The following KCNB2 variants were observed in gnomAD, a reference collection of about 807,000 sequenced individuals.
KCNB2 encodes the protein potassium voltage-gated channel subfamily B member 2.
KCNB2 carries 15 observed loss-of-function variants against 61.5 expected under a neutral mutation model. That is an observed-to-expected ratio of 0.24 (90% CI 0.16 to 0.38). The LOEUF is 0.38. Ranked by LOEUF, KCNB2 falls within the 10% of genes least tolerant of loss-of-function variation. The pLI, the probability that KCNB2 is intolerant of heterozygous loss-of-function variation, is 1.00. For synonymous variants in KCNB2, 457 were observed against 446.0 expected (o/e 1.02, Z -0.31); for missense variants, 828 against 1,125.2 (o/e 0.74, Z 3.78).
chr8:72,657,686 T>A (rs907634084), intron 2 of KCNB2, among the ~76,000 whole-genome samples: 2 of 152,088 alleles, frequency 1.3e-5, no homozygotes, highest in Non-Finnish European at 2.9e-5. Flanking sequence ...TGAGAGGAAA[T>A]TCGAAATTAC....
At chr8:72,845,774 C>A (rs1325382446) in intron 2 of KCNB2, among the ~76,000 whole-genome samples, 1 of 46,274 alleles carries the variant, frequency 2.2e-5, no homozygotes, top group South Asian at 7.0e-4. Context: ...TCAGTAATGG[C>A]AGATGCCCCT....
intron 2 of KCNB2, among the ~76,000 whole-genome samples, chr8:72,903,691 C>G (rs1414216023): frequency 6.6e-6 from 1 of 152,174 alleles, no homozygotes; most frequent in African/African-American, 2.4e-5. Context: ...TCCAATAACT[C>G]TAAATCCAAT....
chr8:72,912,926 A>G (rs542939362), intron 2 of KCNB2, among the ~76,000 whole-genome samples: 2 of 152,294 alleles, frequency 1.3e-5, no homozygotes, highest in East Asian at 1.9e-4. Flanking sequence ...AGCTTCACAT[A>G]CCTAGAAGCT....
rs186011755 is a variant in KCNB2 at position 72,638,995 on chromosome 8, G to A, written c.579+70682G>A. 1.1e-4 allele frequency among the ~76,000 whole-genome samples: 16 copies of A among 152,186 alleles called. No individual in the cohort carries two copies. The East Asian group carries it at 2.7e-3, about 26-fold the overall frequency. ...TGACTTCCTTGAATTTTCATTATTG[G>A]CTTCCAGGCACATGCGGTGTGCTTA... On this transcript the variant is annotated intron_variant, in intron 2 of 2. Coordinates refer to ENST00000523207, the MANE Select transcript of KCNB2 (RefSeq NM_004770.3).
intron 1 of KCNB2, among the ~76,000 whole-genome samples, chr8:72,538,344 G>A (rs781781189): frequency 6.6e-6 from 1 of 152,156 alleles, no homozygotes; most frequent in South Asian, 2.1e-4. Context: ...GGGAGAACGG[G>A]TCTCTAAGGA....
intron 2 of KCNB2, among the ~76,000 whole-genome samples, chr8:72,709,235 G>A (rs961605485): frequency 1.8e-4 from 28 of 152,176 alleles, no homozygotes; most frequent in African/African-American, 6.5e-4. Flanking sequence ...ATCTCCCTAA[G>A]CTGTCTCTAT....
At chr8:72,739,914 T>C (rs920811234) in intron 2 of KCNB2, among the ~76,000 whole-genome samples, 4 of 152,136 alleles carry the variant, frequency 2.6e-5, no homozygotes, top group African/African-American at 9.7e-5. Flanking sequence ...CCATGTACAA[T>C]ACTGTACACA....
intron 2 of KCNB2, among the ~76,000 whole-genome samples, chr8:72,600,860 G>T (rs1225467599): frequency 6.6e-6 from 1 of 152,058 alleles, no homozygotes; most frequent in African/African-American, 2.4e-5. Flanking sequence ...TGGGAGGAGG[G>T]AGAGGATCAG....
rs954249283 is a variant in KCNB2, at chr8:72,541,765, C to T, written c.-94+3880C>T. On this transcript the variant is annotated intron_variant, in intron 1 of 2. Transcript: ENST00000523207. ...ACATTAGAAACTACTAGCTTTACAT[C>T]GACCACAGAAAATGAGGCTGGCTGA... 3.3e-5 allele frequency among the ~76,000 whole-genome samples: 5 copies of T among 152,064 alleles called. No individual in the cohort carries two copies. In the South Asian group the frequency reaches 6.2e-4, roughly 19 times the overall value.
intron 2 of KCNB2, among the ~76,000 whole-genome samples, chr8:72,730,332 A>C (rs1286839646): frequency 6.6e-6 from 1 of 152,194 alleles, no homozygotes; most frequent in Non-Finnish European, 1.5e-5. Context: ...TTTAACCTGG[A>C]TATCTAAAAG....
At chr8:72,924,984 C>G (rs1360266802) in intron 2 of KCNB2, among the ~76,000 whole-genome samples, 1 of 152,188 alleles carries the variant, frequency 6.6e-6, no homozygotes, top group Non-Finnish European at 1.5e-5. Context: ...CACTCCATTT[C>G]AGCATGGCCG....
At chr8:72,737,062 T>C (rs1261763386) in intron 2 of KCNB2, among the ~76,000 whole-genome samples, 3 of 152,086 alleles carry the variant, frequency 2.0e-5, no homozygotes, top group Non-Finnish European at 4.4e-5. Flanking sequence ...GTTATGGTTG[T>C]TTTTGTTTGT....
At chr8:72,666,335 G>C (rs960271372) in intron 2 of KCNB2, among the ~76,000 whole-genome samples, 14 of 134,534 alleles carry the variant, frequency 1.0e-4, no homozygotes, top group African/African-American at 5.3e-4. Context: ...CTTAAAAGAG[G>C]GAAAAAAGGC....
intron 2 of KCNB2, among the ~76,000 whole-genome samples, chr8:72,899,253 A>G (rs1200282160): frequency 1.3e-5 from 2 of 152,176 alleles, no homozygotes; most frequent in African/African-American, 4.8e-5. Context: ...CAAAATAATA[A>G]GAGCCATCTA....
chr8:72,743,003 G>T (rs998075373), intron 2 of KCNB2, among the ~76,000 whole-genome samples: 3 of 152,168 alleles, frequency 2.0e-5, no homozygotes, highest in Non-Finnish European at 4.4e-5. Flanking sequence ...GTCTCACTCA[G>T]CCATGAGCAC....
At chr8:72,570,537 C>G (rs1204790044) in intron 2 of KCNB2, among the ~76,000 whole-genome samples, 1 of 150,324 alleles carries the variant, frequency 6.7e-6, no homozygotes, top group Non-Finnish European at 1.5e-5. Context: ...AAACCACTAC[C>G]TTTTCCTGTA....
intron 1 of KCNB2, among the ~76,000 whole-genome samples, chr8:72,553,946 C>T (rs867973917): frequency 4.6e-5 from 7 of 151,994 alleles, no homozygotes; most frequent in South Asian, 2.1e-4. Context: ...TTTAAAATTA[C>T]AAATGGGGGC....
At chr8:72,671,684 G>A (rs1327165219) in intron 2 of KCNB2, among the ~76,000 whole-genome samples, 1 of 152,090 alleles carries the variant, frequency 6.6e-6, no homozygotes, top group Non-Finnish European at 1.5e-5. Context: ...AAAAGGTGTA[G>A]TGTATCTGAT....
chr8:72,819,178 T>G (rs1464973220), intron 2 of KCNB2, among the ~76,000 whole-genome samples: 1 of 152,096 alleles, frequency 6.6e-6, no homozygotes, highest in Non-Finnish European at 1.5e-5. Context: ...ACTGCTTTTT[T>G]ATCAATGACT....
Sources: allele counts gnomAD v4.1 joint callset (sites outside exome capture counted in the v4.1 genomes callset), GRCh38; gene constraint gnomAD v4.1.1; transcripts MANE v1.5; gene names NCBI Gene and HGNC (gene_info 2026-07-23, HGNC 2026-07-21).